Variants in LAMC1 observed in about 807,000 individuals in gnomAD.
LAMC1 encodes laminin subunit gamma-1.
In LAMC1, 38 loss-of-function variants were observed where a neutral mutation model predicts 173.6. The observed-to-expected ratio is 0.22, with a 90% CI of 0.17 to 0.29. LAMC1 has a LOEUF of 0.29. Among genes scored for constraint, LAMC1 ranks in the 10% least tolerant of loss-of-function variants. The probability of loss-of-function intolerance (pLI) is 1.00; values close to 1 mark genes in which losing one functional copy is unlikely to be tolerated. For synonymous variants in LAMC1, 746 were observed against 749.1 expected, an observed-to-expected ratio of 1.00 and a Z score of 0.07; for missense variants, 1,824 against 2,051.8, an observed-to-expected ratio of 0.89 and a Z score of 2.14.
chr1:183,045,773 C>A (rs1315850284), intron 1 of LAMC1, among the ~76,000 whole-genome samples: 1 of 151,964 alleles, frequency 6.6e-6, no homozygotes, highest in Non-Finnish European at 1.5e-5. Flanking sequence ...TTTAGATGCT[C>A]AACTAGCAGT....
chr1:183,127,462 C>T (rs1363589387), intron 17 of LAMC1, 58 bp downstream of exon 17: 29 of 1,478,142 alleles, frequency 2.0e-5, no homozygotes, highest in Non-Finnish European at 2.6e-5. Flanking sequence ...TGGCAACTTA[C>T]TGTGCACTAA....
chr1:183,049,301 A>G (rs1303072876), intron 1 of LAMC1, among the ~76,000 whole-genome samples: 3 of 152,230 alleles, frequency 2.0e-5, no homozygotes, highest in Non-Finnish European at 2.9e-5. Flanking sequence ...TTGTAATTAC[A>G]GTATTAGAAT....
At chr1:183,060,791 T>A (rs1654726052) in intron 1 of LAMC1, among the ~76,000 whole-genome samples, 1 of 152,236 alleles carries the variant, frequency 6.6e-6, no homozygotes, top group South Asian at 2.1e-4. Context: ...CTTAAGTTGA[T>A]ATAACAGTAT....
chr1:183,040,109 C>T (rs1654087924), intron 1 of LAMC1, among the ~76,000 whole-genome samples: 1 of 152,196 alleles, frequency 6.6e-6, no homozygotes, highest in Non-Finnish European at 1.5e-5. Flanking sequence ...AAATGGGCAA[C>T]TGATGCTCTG....
At chr1:183,137,006 G>C (rs1303910285) in intron 25 of LAMC1, among the ~76,000 whole-genome samples, 1 of 152,106 alleles carries the variant, frequency 6.6e-6, no homozygotes, top group Non-Finnish European at 1.5e-5. Flanking sequence ...ACTCCTAGGA[G>C]AGACTTCCCA....
At chr1:183,103,238 C>G in intron 1 of LAMC1, 90 bp from the exon 2 acceptor site, 1 of 1,219,348 alleles carries the variant, frequency 8.2e-7, no homozygotes, top group South Asian at 1.4e-5. Flanking sequence ...GATTTATATC[C>G]TTTGTCAAGT....
intron 24 of LAMC1, among the ~76,000 whole-genome samples, chr1:183,135,671 T>G (rs1656918254): frequency 6.6e-6 from 1 of 151,574 alleles, no homozygotes; most frequent in Non-Finnish European, 1.5e-5. Context: ...AGGCCAGGAG[T>G]TGAACACCAG....
Position 183,103,376 on chromosome 1 carries a change from G to C in LAMC1, c.467G>C (p.Arg156Pro). 6.2e-7 allele frequency: 1 copy of C among 1,614,122 alleles called. No homozygotes were observed. The change falls in exon 2 of 28, where the codon CGC (arginine) becomes CCC (proline). Residue 156 changes from arginine (R) to proline (P), a missense_variant. Physicochemically the swap from Arg to Pro is moderately radical, Grantham distance 103 (BLOSUM62 -2). Coordinates refer to ENST00000258341, the MANE Select transcript of LAMC1 (RefSeq NM_002293.4). ...TYVRLKFHTS[R>P]PESFAIYKRT... ...GTGCGTCTCAAGTTCCACACCAGCC[G>C]CCCGGAGAGCTTTGCCATTTACAAG...
chr1:183,094,469 A>T (rs1322122172), intron 1 of LAMC1, among the ~76,000 whole-genome samples: 1 of 152,174 alleles, frequency 6.6e-6, no homozygotes, highest in Non-Finnish European at 1.5e-5. Flanking sequence ...CTTTTACTGT[A>T]AGTTCTACAA....
rs146642388 is a variant in LAMC1 at position 183,124,706 on chromosome 1, G to T, written c.2477G>T (p.Arg826Leu). Reference protein sequence around the residue: ...LGRNGPVRLCRLCQCSDNIDP... With the variant: ...LGRNGPVRLCLLCQCSDNIDP... ...AGAAACGGCCCTGTGAGACTTTGCC[G>T]CCTGTGCCAGTGCAGTGACAACATC... The change falls in exon 14 of 28, where the codon CGC (arginine) becomes CTC (leucine). Residue 826 changes from arginine to leucine, a missense_variant. Arg to Leu is a moderately radical substitution (Grantham distance 102). Transcript: ENST00000258341. 1 of 1,614,204 alleles carries T rather than the reference G, an allele frequency of 6.2e-7. No individual in the cohort carries two copies. The highest frequency in any genetic ancestry group is 8.5e-7 in the Non-Finnish European group (1 of 1,180,042).
chr1:183,081,223 C>T (rs1413766807), intron 1 of LAMC1, among the ~76,000 whole-genome samples: 2 of 152,090 alleles, frequency 1.3e-5, no homozygotes, highest in Non-Finnish European at 2.9e-5. Context: ...ATGTAAACTG[C>T]CTTTGAAAGC....
At chr1:183,065,513 T>C (rs1399520935) in intron 1 of LAMC1, among the ~76,000 whole-genome samples, 2 of 152,196 alleles carry the variant, frequency 1.3e-5, no homozygotes, top group African/African-American at 4.8e-5. Flanking sequence ...CTATGACACA[T>C]TGGATGAGGC....
At chr1:183,104,277 CCT>C (rs1321460409) in intron 2 of LAMC1, among the ~76,000 whole-genome samples, 1 of 152,148 alleles carries the variant, frequency 6.6e-6, no homozygotes, top group Non-Finnish European at 1.5e-5. Context: ...GAAACCTTTC[CCT>C]GTTTGAGAAG....
At chr1:183,091,881 G>A (rs1655574777) in intron 1 of LAMC1, among the ~76,000 whole-genome samples, 2 of 152,144 alleles carry the variant, frequency 1.3e-5, no homozygotes, top group South Asian at 4.1e-4. Context: ...TGGTTTACAG[G>A]GAATCTTGAC....
At chr1:183,116,430 T>G in intron 6 of LAMC1, 147 bp from the exon 7 acceptor site, 1 of 583,852 alleles carries the variant, frequency 1.7e-6, no homozygotes, top group Non-Finnish European at 3.0e-6. Context: ...TGAGCTGAGA[T>G]GGCGCCACTG....
In LAMC1 at chr1:183,024,066, G is replaced by C; in HGVS notation, c.350G>C (p.Trp117Ser). ...TDYNNQADTT[W>S]WQSQTMLAGV... ...TACAACAACCAGGCCGACACCACCTGGTGGCAAAGCCAGACCATGCTGGCC... is the reference window on the plus strand; with the variant it reads ...TACAACAACCAGGCCGACACCACCTCGTGGCAAAGCCAGACCATGCTGGCC... The change falls in exon 1 of 28, where the codon TGG (tryptophan) becomes TCG (serine). Residue 117 changes from tryptophan to serine, a missense_variant. Physicochemically the swap from Trp to Ser is radical, Grantham distance 177 (BLOSUM62 -3). Transcript: ENST00000258341. 6.2e-7 allele frequency: 1 copy of C among 1,611,842 alleles called. No individual in the cohort carries two copies. The highest frequency in any genetic ancestry group is 8.5e-7 in the Non-Finnish European group (1 of 1,179,304).
rs770470088 is a variant in LAMC1, at chr1:183,024,109, C to T, written c.393C>T (p.Ser131=). The stretch of plus-strand genomic sequence containing the variant: ...TGCTGGCCGGGGTGCAGTACCCCAG[C>T]TCCATCAACCTCACGCTGCACCTGG... ...QTMLAGVQYP[S]SINLTLHLGK... The change falls in exon 1 of 28, where the codon AGC becomes AGT. Residue 131 remains serine (S), a synonymous_variant. Coordinates refer to ENST00000258341, the MANE Select transcript of LAMC1 (RefSeq NM_002293.4). The T allele has an allele frequency of 2.5e-6, 4 of 1,598,292 alleles. No homozygotes were observed. Among genetic ancestry groups the T allele is most frequent in the Admixed American group, 3.4e-5 (2 of 58,110 alleles).
intron 1 of LAMC1, among the ~76,000 whole-genome samples, chr1:183,048,085 T>C (rs1022223279): frequency 1.3e-5 from 2 of 152,310 alleles, no homozygotes; most frequent in South Asian, 4.1e-4. Context: ...TACCAATTTG[T>C]ATATTCTTAG....
Position 183,121,748 on chromosome 1 carries a change from C to T in LAMC1, c.2016C>T (p.Thr672=). ...GTGCTGGATATTTGGATGATGTCAC[C>T]CTGGCAAGTGCTCGTCCTGGGCCTG... ...ERSAGYLDDV[T]LASARPGPGV... The change falls in exon 12 of 28, where the codon ACC becomes ACT. Residue 672 remains threonine, a synonymous_variant. Transcript: ENST00000258341. 6.2e-7 allele frequency: 1 copy of T among 1,613,952 alleles called. No homozygotes were observed. Among genetic ancestry groups the T allele is most frequent in the South Asian group, 1.1e-5 (1 of 91,050 alleles).
Sources: allele counts gnomAD v4.1 joint callset (sites outside exome capture counted in the v4.1 genomes callset), GRCh38; gene constraint gnomAD v4.1.1; transcripts MANE v1.5; gene names NCBI Gene and HGNC (gene_info 2026-07-23, HGNC 2026-07-21).